ATG16L2: variants seen among roughly 807,000 people sequenced by gnomAD.
ATG16L2 encodes protein Atg16l2.
ATG16L2 carries 77 observed loss-of-function variants against 84.7 expected under a neutral mutation model. The observed-to-expected ratio is 0.91, with a 90% CI of 0.76 to 1.10. ATG16L2 has a LOEUF of 1.10. Among genes scored for constraint, ATG16L2 ranks in the 50% least tolerant of loss-of-function variants. The pLI, the probability that ATG16L2 is intolerant of heterozygous loss-of-function variation, is 0.00. For synonymous variants in ATG16L2, 361 were observed against 342.8 expected (o/e 1.05, Z -0.59); for missense variants, 782 against 817.6 (o/e 0.96, Z 0.53).
At chr11:72,829,240 C>A in intron 17 of ATG16L2, 63 bp from the exon 18 acceptor site, 1 of 1,563,674 alleles carries the variant, frequency 6.4e-7, no homozygotes, top group Non-Finnish European at 8.7e-7. Context: ...GCAGTCGGGG[C>A]AGAGCCAGGT....
At position 72,829,312 on chromosome 11, in the gene ATG16L2, C is replaced by T; in HGVS notation, c.1782C>T (p.Val594=). 1 of 1,613,164 alleles carries T rather than the reference C, an allele frequency of 6.2e-7. No homozygotes were observed. The highest frequency in any genetic ancestry group is 8.5e-7 in the Non-Finnish European group (1 of 1,179,734). The stretch of plus-strand genomic sequence containing the variant: ...CCCTCCCTTTCCCCAGCGCTGCCGT[C>T]AACGCCGTGGCCTGGTGCTACTCCG... ...SRLQGPHCAA[V]NAVAWCYSGS... Residue 594 remains valine (V), a synonymous_variant, in exon 18 of 18, where the codon GTC becomes GTT. Coordinates refer to ENST00000321297, the MANE Select transcript of ATG16L2 (RefSeq NM_033388.2).
downstream of ATG16L2, among the ~76,000 whole-genome samples, chr11:72,832,312 T>C (rs1243239410): frequency 6.6e-6 from 1 of 152,198 alleles, no homozygotes; most frequent in African/African-American, 2.4e-5. Context: ...GCTGCTGCCA[T>C]CGGGTGGAGT....
downstream of ATG16L2, among the ~76,000 whole-genome samples, chr11:72,832,019 C>T (rs1860617497): frequency 6.6e-6 from 1 of 152,228 alleles, no homozygotes; most frequent in Non-Finnish European, 1.5e-5. Flanking sequence ...ACCTGACTCC[C>T]TCCCTACATC....
Position 72,826,252 on chromosome 11 carries a change from C to T in ATG16L2, c.1173+9C>T. ...TGGACTTTGACCCCTCGGTGAGGAACTCTGCCCCAGTGGCATGGGATTGTG... is the reference window on the plus strand; with the variant it reads ...TGGACTTTGACCCCTCGGTGAGGAATTCTGCCCCAGTGGCATGGGATTGTG... On this transcript the variant is annotated intron_variant, in intron 11 of 17. Coordinates refer to ENST00000321297, the MANE Select transcript of ATG16L2 (RefSeq NM_033388.2). 6.2e-7 allele frequency: 1 copy of T among 1,613,390 alleles called. No individual in the cohort carries two copies.
intron 11 of ATG16L2, 33 bp downstream of exon 11, chr11:72,826,276 T>C: frequency 6.2e-7 from 1 of 1,607,986 alleles, no homozygotes; most frequent in Non-Finnish European, 8.5e-7. Flanking sequence ...CATGGGATTG[T>C]GCCCTCTCTG....
Position 72,816,717 on chromosome 11 carries a change from G to C in ATG16L2, c.119-11G>C. 6.2e-7 allele frequency: 1 copy of C among 1,611,162 alleles called. No individual in the cohort carries two copies. Among genetic ancestry groups the C allele is most frequent in the Non-Finnish European group, 8.5e-7 (1 of 1,177,310 alleles). Reference sequence around the variant, plus strand: ...GTCTCTGCCCCAGGCTCACTCTCTTGCACTCTCCAGATAACCATCTCTTAG... The same window carrying C: ...GTCTCTGCCCCAGGCTCACTCTCTTCCACTCTCCAGATAACCATCTCTTAG... On this transcript the variant is annotated splice_polypyrimidine_tract_variant and intron_variant, in intron 1 of 17. Coordinates refer to ENST00000321297, the MANE Select transcript of ATG16L2 (RefSeq NM_033388.2).
chr11:72,842,860 A>G (rs1174026513), exon 6 of ATG16L2: 1 of 1,595,768 alleles, frequency 6.3e-7, no homozygotes, highest in Admixed American at 1.7e-5. Context: ...CAAGAGAAAA[A>G]CAAATCTGGT....
intron 4 of ATG16L2, 44 bp from the exon 5 acceptor site, chr11:72,822,000 C>CG: frequency 6.8e-7 from 1 of 1,465,802 alleles, no homozygotes. Flanking sequence ...TGGGCAGTGA[C>CG]GGGGGAAGCT....
intron 5 of ATG16L2, among the ~76,000 whole-genome samples, chr11:72,842,272 A>T (rs1313476894): frequency 1.3e-5 from 2 of 152,230 alleles, no homozygotes; most frequent in Non-Finnish European, 2.9e-5. Flanking sequence ...GCCAGCTAAG[A>T]GTTTTACTAC....
At position 72,828,620 on chromosome 11, in the gene ATG16L2, C is replaced by A. The variant is rs575414420; in HGVS notation, c.1623-109C>A. On this transcript the variant is annotated intron_variant, in intron 15 of 17. Coordinates refer to ENST00000321297, the MANE Select transcript of ATG16L2 (RefSeq NM_033388.2). ...CCCTGGAGGCCCCTCCAGACCAGGT[C>A]CTGCTGAGGTACCAAACCCCTCGAC... 1.6e-4 allele frequency: 261 copies of A among 1,590,572 alleles called. No individual in the cohort carries two copies. In the African/African-American group the frequency reaches 3.1e-3, roughly 19 times the overall value.
intron 1 of ATG16L2, among the ~76,000 whole-genome samples, chr11:72,815,121 G>C (rs1348888322): frequency 2.0e-5 from 3 of 152,236 alleles, no homozygotes; most frequent in African/African-American, 2.4e-5. Context: ...GGGGGCCCCG[G>C]GCTGCTGGTG....
chr11:72,829,154 C>T, intron 17 of ATG16L2, 149 bp from the exon 18 acceptor site: 2 of 1,095,028 alleles, frequency 1.8e-6, no homozygotes, highest in South Asian at 1.5e-5. Context: ...TGGTTCCATC[C>T]TTTCCACAGC....
intron 10 of ATG16L2, among the ~76,000 whole-genome samples, chr11:72,825,709 AAG>A (rs1860307723): frequency 6.6e-6 from 1 of 152,048 alleles, no homozygotes; most frequent in African/African-American, 2.4e-5. Flanking sequence ...CAGGCCCTTG[AAG>A]AGCAGGTCCC....
intron 15 of ATG16L2, 85 bp downstream of exon 15, chr11:72,828,593 CT>C (rs1860499195): frequency 1.3e-6 from 2 of 1,595,852 alleles, no homozygotes; most frequent in African/African-American, 2.7e-5. Context: ...TCTTGGAGCC[CT>C]CCCTGGAGGC....
Position 72,822,770 on chromosome 11 carries a change from C to A in ATG16L2, c.711-78C>A. On this transcript the variant is annotated intron_variant, in intron 6 of 17. Transcript: ENST00000321297. The surrounding 1 kb of genome is among the most constrained non-coding windows in gnomAD (Gnocchi z 4.2). ...AACCCTCATCACTGGGAATTCCTGTCTTCAGCGTATCCTGTGCTGGGGTCG... is the reference window on the plus strand; with the variant it reads ...AACCCTCATCACTGGGAATTCCTGTATTCAGCGTATCCTGTGCTGGGGTCG... The A allele has an allele frequency of 2.5e-6, 3 of 1,196,246 alleles. No individual in the cohort carries two copies. The highest frequency in any genetic ancestry group is 1.4e-5 in the South Asian group (1 of 69,856). 74.1% of individuals were successfully genotyped at this position (1,196,246 alleles called of 1,614,324 possible). A position where few individuals can be genotyped will look rare whatever the true frequency, so the allele number is the denominator to read the frequency against.
Position 72,826,778 on chromosome 11 carries a change from A to G in ATG16L2, c.1321A>G (p.Ser441Gly). 3 of 1,614,052 alleles carry G rather than the reference A, an allele frequency of 1.9e-6. No individual in the cohort carries two copies. The highest frequency in any genetic ancestry group is 2.5e-6 in the Non-Finnish European group (3 of 1,179,980). The stretch of plus-strand genomic sequence containing the variant: ...AACGAGGCACCAGGCAGTGACTGGG[A>G]GCCGCGACCGGACAGTGAAGGAGTG... ...KLTRHQAVTG[S>G]RDRTVKEWDL... The change falls in exon 13 of 18, where the codon AGC (serine) becomes GGC (glycine). Residue 441 changes from serine (S) to glycine (G), a missense_variant. By Grantham distance (56) the Ser-to-Gly change is moderately conservative. Coordinates refer to ENST00000321297, the MANE Select transcript of ATG16L2 (RefSeq NM_033388.2).
At chr11:72,829,154 C>CT (rs1487786288) in intron 17 of ATG16L2, 149 bp from the exon 18 acceptor site, 1 of 1,094,902 alleles carries the variant, frequency 9.1e-7, no homozygotes, top group Non-Finnish European at 1.3e-6. Context: ...TGGTTCCATC[C>CT]TTTCCACAGC....
chr11:72,815,559 T>C (rs143025776), intron 1 of ATG16L2, among the ~76,000 whole-genome samples: 3,933 of 145,678 alleles, frequency 0.027, 152 homozygotes, highest in African/African-American at 0.093. Flanking sequence ...ACTAGAGAGA[T>C]CTGGAGGGCT....
In ATG16L2 at chr11:72,814,526, T is replaced by C. The variant is rs1859591234; in HGVS notation, c.81T>C (p.Arg27=). 1.3e-6 allele frequency: 2 copies of C among 1,570,368 alleles called. No homozygotes were observed. Among genetic ancestry groups the C allele is most frequent in the East Asian group, 4.8e-5 (2 of 42,026 alleles). ...TGCGGCAGCTGCGGCTTCGGGACCG[T>C]ACGCAAAAGGCGCTTTTCCTGGAGC... The part of the protein sequence containing the change: ...HIVRQLRLRD[R]TQKALFLELV... The change falls in exon 1 of 18, where the codon CGT becomes CGC. Residue 27 remains arginine (R), a synonymous_variant. Transcript: ENST00000321297.
Sources: gnomAD v4.1 joint callset for allele counts (sites outside exome capture counted in the v4.1 genomes callset) on GRCh38, gnomAD v4.1.1 for gene constraint, Gnocchi (gnomAD v3.1) non-coding constraint, MANE v1.5 for transcripts, NCBI Gene and HGNC (gene_info 2026-07-23, HGNC 2026-07-21) for gene names.